The following ZFHX3 variants were observed in gnomAD, a reference collection of about 807,000 sequenced individuals.
ZFHX3 encodes the protein zinc finger homeobox 3.
ZFHX3 carries 42 observed loss-of-function variants against 279.1 expected under a neutral mutation model. The ratio of observed to expected loss-of-function variants is 0.15; its 90% confidence interval spans 0.12 to 0.19. The LOEUF (loss-of-function observed/expected upper bound fraction) is 0.19. Ranked by LOEUF, ZFHX3 falls within the 10% of genes least tolerant of loss-of-function variation. The pLI, the probability that ZFHX3 is intolerant of heterozygous loss-of-function variation, is 1.00. For synonymous variants in ZFHX3, 2,293 were observed against 1,957.8 expected (o/e 1.17, Z -4.52); for missense variants, 4,981 against 4,754.0 (o/e 1.05, Z -1.40).
intron 6 of ZFHX3, among the ~76,000 whole-genome samples, chr16:73,133,135 A>G (rs1966723920): frequency 6.6e-6 from 1 of 152,182 alleles, no homozygotes; most frequent in Admixed American, 6.5e-5. Context: ...ATCTCTTGGG[A>G]ATTCTAATGT....
At chr16:72,860,676 C>T (rs1365593342) in intron 4 of ZFHX3, among the ~76,000 whole-genome samples, 3 of 152,266 alleles carry the variant, frequency 2.0e-5, no homozygotes, top group South Asian at 4.1e-4. Flanking sequence ...GTGATCCACC[C>T]GTCTCAGCTT....
Position 73,768,182 on chromosome 16 carries a change from CTCTG to C in ZFHX3, c.-1607-87946_-1607-87943del, listed in dbSNP as rs1166760236. 5.3e-5 allele frequency among the ~76,000 whole-genome samples: 8 copies of C among 152,264 alleles called. No individual in the cohort carries two copies. In the East Asian group the frequency reaches 1.5e-3, roughly 29 times the overall value. ...AGTCTTGATCCAAAGACTGTGTTCC[CTCTG>C]TCTTAGATTATAAAGTTCAATCCCT... is the stretch of plus-strand genomic sequence containing the variant. On this transcript the variant is annotated intron_variant, in intron 1 of 17. Coordinates refer to the ZFHX3 transcript ENST00000641206.
chr16:73,739,289 A>G (rs2142257917), intron 1 of ZFHX3, among the ~76,000 whole-genome samples: 1 of 152,268 alleles, frequency 6.6e-6, no homozygotes, highest in African/African-American at 2.4e-5. Context: ...CCACTCTTCC[A>G]TGATCTCATC....
At chr16:73,063,459 G>A (rs773863691), upstream of ZFHX3, among the ~76,000 whole-genome samples, 7 of 152,118 alleles carry the variant, frequency 4.6e-5, no homozygotes, top group Non-Finnish European at 1.0e-4. Flanking sequence ...GTAGAGATGC[G>A]GGGTGCGCTT....
chr16:72,893,989 A>C (rs1469873648), intron 3 of ZFHX3, among the ~76,000 whole-genome samples: 1 of 152,052 alleles, frequency 6.6e-6, no homozygotes, highest in African/African-American at 2.4e-5. Context: ...GTCTCTATAA[A>C]AATACAAAAA....
intron 8 of ZFHX3, among the ~76,000 whole-genome samples, chr16:73,071,168 G>T (rs58619665): frequency 0.047 from 7,110 of 151,126 alleles, 509 homozygotes; most frequent in African/African-American, 0.16. Context: ...AAGTCTTCTG[G>T]GCCAGGGGTA....
chr16:73,313,235 A>C (rs113014562), intron 4 of ZFHX3, among the ~76,000 whole-genome samples: 1 of 152,166 alleles, frequency 6.6e-6, no homozygotes, highest in East Asian at 1.9e-4. Context: ...GAGGCCTCCT[A>C]ACCATGCTTC....
chr16:73,726,817 C>G (rs771562591), intron 1 of ZFHX3, among the ~76,000 whole-genome samples: 27 of 152,204 alleles, frequency 1.8e-4, no homozygotes, highest in Non-Finnish European at 3.8e-4. Flanking sequence ...GGCCCTACCT[C>G]CAACGCTGGG....
At chr16:72,854,010 A>G (rs2037685755) in intron 4 of ZFHX3, among the ~76,000 whole-genome samples, 1 of 152,220 alleles carries the variant, frequency 6.6e-6, no homozygotes, top group Admixed American at 6.5e-5. Flanking sequence ...TGCAAAACAA[A>G]GCACTAGTTA....
At chr16:73,097,221 G>T (rs1410684709) in intron 7 of ZFHX3, among the ~76,000 whole-genome samples, 2 of 138,072 alleles carry the variant, frequency 1.4e-5, no homozygotes, top group Non-Finnish European at 3.0e-5. Flanking sequence ...ACCACACCCA[G>T]CTAATTTTAA....
intron 2 of ZFHX3, among the ~76,000 whole-genome samples, chr16:73,519,181 T>C (rs2019572391): frequency 6.6e-6 from 1 of 152,148 alleles, no homozygotes. Flanking sequence ...TTCTAATTGA[T>C]GGTTATTTAT....
chr16:73,161,645 T>C (rs1047403457), intron 5 of ZFHX3, among the ~76,000 whole-genome samples: 1 of 152,188 alleles, frequency 6.6e-6, no homozygotes, highest in African/African-American at 2.4e-5. Context: ...TGTTAAACAC[T>C]GTCTCACCAC....
At chr16:73,412,250 C>G (rs2017484142) in intron 3 of ZFHX3, among the ~76,000 whole-genome samples, 1 of 150,684 alleles carries the variant, frequency 6.6e-6, no homozygotes, top group Non-Finnish European at 1.5e-5. Flanking sequence ...TCATCTGAGC[C>G]TGGGAGGTCA....
intron 2 of ZFHX3, among the ~76,000 whole-genome samples, chr16:73,588,707 C>A (rs12925130): frequency 0.61 from 81,414 of 133,982 alleles, 23,779 homozygotes; most frequent in East Asian, 0.85. Context: ...AAAAACAAAA[C>A]AAAAAAAAAA....
At chr16:72,953,400 AG>A (rs1409624969) in intron 2 of ZFHX3, among the ~76,000 whole-genome samples, 1 of 152,182 alleles carries the variant, frequency 6.6e-6, no homozygotes, top group Non-Finnish European at 1.5e-5. Flanking sequence ...AACTGCCCGG[AG>A]GGTAAGACAA....
chr16:72,881,392 A>G (rs2038466913), intron 4 of ZFHX3, among the ~76,000 whole-genome samples: 1 of 151,930 alleles, frequency 6.6e-6, no homozygotes, highest in South Asian at 2.1e-4. Flanking sequence ...TTTGAAAAAA[A>G]TAATTTGGAA....
intron 3 of ZFHX3, among the ~76,000 whole-genome samples, chr16:73,443,729 T>C (rs1159522575): frequency 6.6e-6 from 1 of 152,082 alleles, no homozygotes; most frequent in Non-Finnish European, 1.5e-5. Context: ...AATTCCACCA[T>C]ATATTTAGCC....
At chr16:73,309,022 C>T (rs2015261329) in intron 4 of ZFHX3, among the ~76,000 whole-genome samples, 1 of 151,938 alleles carries the variant, frequency 6.6e-6, no homozygotes, top group African/African-American at 2.4e-5. Context: ...AAAGGGTGTT[C>T]CAAGATTGTG....
chr16:73,251,961 C>G (rs535739677), intron 5 of ZFHX3, among the ~76,000 whole-genome samples: 2 of 151,598 alleles, frequency 1.3e-5, no homozygotes, highest in East Asian at 3.9e-4. Flanking sequence ...CACGCACACA[C>G]CATGCACACA....
Sources: gnomAD v4.1 joint callset for allele counts (sites outside exome capture counted in the v4.1 genomes callset) on GRCh38, gnomAD v4.1.1 for gene constraint, MANE v1.5 for transcripts, NCBI Gene and HGNC (gene_info 2026-07-23, HGNC 2026-07-21) for gene names.